SPIDR: variants seen among roughly 807,000 people sequenced by gnomAD.
The protein encoded by SPIDR is scaffold protein involved in DNA repair, also known as DNA repair-scaffolding protein.
In SPIDR, 93 loss-of-function variants were observed where a neutral mutation model predicts 104.6. The observed-to-expected ratio is 0.89, with a 90% CI of 0.75 to 1.06. The LOEUF (loss-of-function observed/expected upper bound fraction) is 1.06. SPIDR is among the 50% of genes least tolerant of loss of function. The probability of loss-of-function intolerance (pLI) is 0.00; values close to 1 mark genes in which losing one functional copy is unlikely to be tolerated. For missense variants in SPIDR, 1,154 were observed against 1,111.2 expected (o/e 1.04, Z -0.55); for synonymous variants, 431 against 416.9 (o/e 1.03, Z -0.41).
chr8:47,664,290 C>T (rs979341330), intron 10 of SPIDR, among the ~76,000 whole-genome samples: 21 of 152,082 alleles, frequency 1.4e-4, no homozygotes, highest in Non-Finnish European at 7.4e-5. Flanking sequence ...GAGGCAAGCC[C>T]GGAAGACTAG....
At chr8:47,656,455 G>A (rs978831808) in intron 10 of SPIDR, among the ~76,000 whole-genome samples, 1 of 152,200 alleles carries the variant, frequency 6.6e-6, no homozygotes, top group African/African-American at 2.4e-5. Flanking sequence ...ACCACAGTGA[G>A]ATACCACTTC....
At chr8:47,399,533 C>T (rs781975435) in intron 6 of SPIDR, among the ~76,000 whole-genome samples, 7 of 152,144 alleles carry the variant, frequency 4.6e-5, no homozygotes, top group African/African-American at 7.2e-5. Flanking sequence ...ATCTGTGACA[C>T]GGGCATGTAG....
chr8:47,396,322 G>A, intron 5 of SPIDR, 54 bp from the exon 6 acceptor site: 1 of 1,427,468 alleles, frequency 7.0e-7, no homozygotes, highest in Non-Finnish European at 9.7e-7. Flanking sequence ...ATGTGGACTT[G>A]AATAAAGTAT....
At chr8:47,659,738 T>C (rs1338651004) in intron 10 of SPIDR, 44 of 984,772 alleles carry the variant, frequency 4.5e-5, no homozygotes, top group Non-Finnish European at 5.1e-5. Context: ...CTCTCTCTCT[T>C]CTTATCACTT....
chr8:47,490,266 A>G (rs2078457509), intron 8 of SPIDR, among the ~76,000 whole-genome samples: 1 of 152,258 alleles, frequency 6.6e-6, no homozygotes, highest in Non-Finnish European at 1.5e-5. Context: ...ATCACTGGCC[A>G]TCAGAGAAAT....
At chr8:47,487,540 A>C (rs1457391615) in intron 8 of SPIDR, among the ~76,000 whole-genome samples, 1 of 152,198 alleles carries the variant, frequency 6.6e-6, no homozygotes, top group African/African-American at 2.4e-5. Flanking sequence ...ACCCAAAATC[A>C]ACAGAATATA....
At chr8:47,514,772 T>C (rs1042399899) in intron 8 of SPIDR, among the ~76,000 whole-genome samples, 3 of 152,182 alleles carry the variant, frequency 2.0e-5, no homozygotes, top group South Asian at 2.1e-4. Flanking sequence ...ATAAACAATA[T>C]ACTACAAGTT....
intron 11 of SPIDR, among the ~76,000 whole-genome samples, chr8:47,676,451 T>C (rs532999322): frequency 3.1e-4 from 47 of 152,298 alleles, no homozygotes; most frequent in African/African-American, 1.1e-3. Flanking sequence ...TTTTGGAATG[T>C]GGGATGTTAT....
At chr8:47,598,925 C>G in intron 9 of SPIDR, 21 bp from the exon 10 acceptor site, 2 of 1,612,218 alleles carry the variant, frequency 1.2e-6, no homozygotes, top group Non-Finnish European at 1.7e-6. Context: ...TGAAACTGTT[C>G]CCTTTATGTG....
chr8:47,286,709 G>T (rs997136792), intron 3 of SPIDR, among the ~76,000 whole-genome samples: 6 of 152,192 alleles, frequency 3.9e-5, no homozygotes, highest in Admixed American at 2.0e-4. Flanking sequence ...TTAATCTAGG[G>T]GGAAAAAGAT....
chr8:47,475,992 A>T (rs1021451206), intron 8 of SPIDR, among the ~76,000 whole-genome samples: 2 of 152,148 alleles, frequency 1.3e-5, no homozygotes, highest in African/African-American at 4.8e-5. Context: ...CAGTTGTTAG[A>T]TTTACCTCTT....
chr8:47,452,463 A>G (rs575161699), intron 8 of SPIDR, among the ~76,000 whole-genome samples: 11 of 152,322 alleles, frequency 7.2e-5, no homozygotes, highest in African/African-American at 2.6e-4. Context: ...GAAATCCTGA[A>G]TCAAATACTG....
At chr8:47,416,686 A>G (rs2064359922) in intron 7 of SPIDR, among the ~76,000 whole-genome samples, 2 of 151,988 alleles carry the variant, frequency 1.3e-5, no homozygotes, top group South Asian at 4.1e-4. Context: ...TTTCTTACAT[A>G]TGTATATATG....
intron 8 of SPIDR, among the ~76,000 whole-genome samples, chr8:47,493,042 AGTGTGTGTGTGTGT>A (rs60518877): frequency 4.3e-5 from 6 of 140,618 alleles, no homozygotes; most frequent in East Asian, 4.3e-4. Flanking sequence ...AGAGAGAGTG[AGTGTGTGTGTGTGT>A]GTGTGTGTGT....
intron 10 of SPIDR, among the ~76,000 whole-genome samples, chr8:47,670,980 C>T (rs984180930): frequency 6.6e-6 from 1 of 152,078 alleles, no homozygotes; most frequent in Non-Finnish European, 1.5e-5. Flanking sequence ...ACAGTCGTAG[C>T]TCATTGCAAC....
chr8:47,558,763 C>A (rs988735721), intron 8 of SPIDR, among the ~76,000 whole-genome samples: 2 of 152,142 alleles, frequency 1.3e-5, no homozygotes, highest in Non-Finnish European at 2.9e-5. Flanking sequence ...CCTCAGCCTC[C>A]CAAGTAGCTC....
At chr8:47,692,809 A>G (rs1229299434) in intron 11 of SPIDR, among the ~76,000 whole-genome samples, 1 of 152,202 alleles carries the variant, frequency 6.6e-6, no homozygotes, top group Non-Finnish European at 1.5e-5. Context: ...AAATTTATTT[A>G]TCCATTCAAC....
intron 5 of SPIDR, among the ~76,000 whole-genome samples, chr8:47,348,313 A>T (rs1182948119): frequency 6.6e-6 from 1 of 152,150 alleles, no homozygotes; most frequent in East Asian, 1.9e-4. Flanking sequence ...CTGCCGAGAT[A>T]TCCTCTGTTA....
chr8:47,308,133 C>T (rs2043430422), intron 5 of SPIDR, among the ~76,000 whole-genome samples: 1 of 151,102 alleles, frequency 6.6e-6, no homozygotes, highest in African/African-American at 2.4e-5. Flanking sequence ...GTGATCTCGG[C>T]TCACTGCAAC....
Sources: allele counts gnomAD v4.1 joint callset (sites outside exome capture counted in the v4.1 genomes callset), GRCh38; gene constraint gnomAD v4.1.1; transcripts MANE v1.5; gene names NCBI Gene and HGNC (gene_info 2026-07-23, HGNC 2026-07-21).